TSSK1B: variants seen among roughly 807,000 people sequenced by gnomAD.
The protein encoded by TSSK1B is testis specific serine kinase 1B, also known as testis-specific serine/threonine-protein kinase 1.
A neutral mutation model predicts 4.0 loss-of-function variants in TSSK1B; 2 were observed. The ratio of observed to expected loss-of-function variants is 0.50; its 90% CI spans 0.20 to 1.57. The LOEUF (loss-of-function observed/expected upper bound fraction) is 1.57, where lower values mean the gene tolerates loss of function less well. TSSK1B is among the 40% of genes most tolerant of loss of function. The pLI, the probability that TSSK1B is intolerant of heterozygous loss-of-function variation, is 0.22. For missense variants in TSSK1B, 488 were observed against 495.1 expected (o/e 0.99, Z 0.14); for synonymous variants, 198 against 200.7 (o/e 0.99, Z 0.11).
chr5:113,434,149 G>C lies in TSSK1B; in HGVS notation c.691C>G (p.His231Asp), dbSNP rs1770768182. 1 of 1,614,166 alleles carries C rather than the reference G, an allele frequency of 6.2e-7. No individual in the cohort carries two copies. Among genetic ancestry groups the C allele is most frequent in the Admixed American group, 1.7e-5 (1 of 60,012 alleles). Reference sequence around the variant, plus strand: ...TTGGAGCGTGGGAAGTTGACGCGGTGCTCCTTCTGGATACGCAGCATCTTC... The same window carrying C: ...TTGGAGCGTGGGAAGTTGACGCGGTCCTCCTTCTGGATACGCAGCATCTTC... ...IKKMLRIQKE[H>D]RVNFPRSKHL... Residue 231 changes from histidine (H) to aspartate (D), a missense_variant, in exon 1 of 1, where the codon CAC becomes GAC. Transcript: ENST00000390666. The surrounding 1 kb of genome is among the most constrained non-coding windows in gnomAD (Gnocchi z 4.2).
In TSSK1B at chr5:113,434,354, C is replaced by G; in HGVS notation, c.486G>C (p.Leu162=). The change falls in exon 1 of 1, where the codon CTG becomes CTC. Residue 162 remains leucine (L), a synonymous_variant. Coordinates refer to ENST00000390666, the MANE Select transcript of TSSK1B (RefSeq NM_032028.4). The surrounding 1 kb of genome is among the most constrained non-coding windows in gnomAD (Gnocchi z 4.2). ...LSDFSFSKRC[L]RDDSGRMALS... is the part of the protein sequence containing the mutation. Reference sequence around the variant, plus strand: ...ATGCCATTCGACCACTGTCATCCCGCAGGCAGCGCTTGGAGAAGCTGAAGT... The same window carrying G: ...ATGCCATTCGACCACTGTCATCCCGGAGGCAGCGCTTGGAGAAGCTGAAGT... 6.2e-7 allele frequency: 1 copy of G among 1,613,824 alleles called. No individual in the cohort carries two copies. Among genetic ancestry groups the G allele is most frequent in the Non-Finnish European group, 8.5e-7 (1 of 1,179,868 alleles).
Position 113,433,701 on chromosome 5 carries a change from G to C in TSSK1B, c.*35C>G, listed in dbSNP as rs553417842. 1.3e-6 allele frequency: 2 copies of C among 1,584,552 alleles called. No homozygotes were observed. Among genetic ancestry groups the C allele is most frequent in the East Asian group, 4.5e-5 (2 of 44,648 alleles). On this transcript the variant is annotated 3_prime_UTR_variant, in exon 1 of 1. Coordinates refer to ENST00000390666, the MANE Select transcript of TSSK1B (RefSeq NM_032028.4). ...TTCTTCAGAGCTTGGGCTTTAAGCCGTGAGCTCCATCTCATTCCCTGGGCC... is the reference window on the plus strand; with the variant it reads ...TTCTTCAGAGCTTGGGCTTTAAGCCCTGAGCTCCATCTCATTCCCTGGGCC...
Position 113,433,722 on chromosome 5 carries a change from G to A in TSSK1B, c.*14C>T. On this transcript the variant is annotated 3_prime_UTR_variant, in exon 1 of 1. Coordinates refer to ENST00000390666, the MANE Select transcript of TSSK1B (RefSeq NM_032028.4). ...AGCCGTGAGCTCCATCTCATTCCCTGGGCCGCAAGAAGCTCACTGGGCCCG... is the reference window on the plus strand; with the variant it reads ...AGCCGTGAGCTCCATCTCATTCCCTAGGCCGCAAGAAGCTCACTGGGCCCG... 3 of 1,603,060 alleles carry A rather than the reference G, an allele frequency of 1.9e-6. No homozygotes were observed. Among genetic ancestry groups the A allele is most frequent in the Non-Finnish European group, 2.6e-6 (3 of 1,174,250 alleles).
Position 113,433,734 on chromosome 5 carries a change from GCTCACTGGGCC to G in TSSK1B, c.1095_*1del. The stretch of plus-strand genomic sequence containing the variant: ...CATCTCATTCCCTGGGCCGCAAGAA[GCTCACTGGGCC>G]CGCGTCTCTGGAGGCTGTTGGGGGG... On this transcript the variant is annotated stop_lost and 3_prime_UTR_variant, in exon 1 of 1. Coordinates refer to ENST00000390666, the MANE Select transcript of TSSK1B (RefSeq NM_032028.4). The G allele has an allele frequency of 6.2e-7, 1 of 1,608,758 alleles. No homozygotes were observed. The highest frequency in any genetic ancestry group is 8.5e-7 in the Non-Finnish European group (1 of 1,177,010).
In TSSK1B at chr5:113,434,777, G is replaced by A. The variant is rs1276406384; in HGVS notation, c.63C>T (p.Gly21=). ...AAGCAGATTTTACTTTTGCATAGGA[G>A]CCCTCTCCTAAATTTATCCCCAGGA... ...GYLLGINLGE[G]SYAKVKSAYS... Residue 21 remains glycine, a synonymous_variant, in exon 1 of 1, where the codon GGC becomes GGT. Coordinates refer to ENST00000390666, the MANE Select transcript of TSSK1B (RefSeq NM_032028.4). This position sits in a 1 kb window ranked among gnomAD's most constrained non-coding sequence, Gnocchi z 4.2. The A allele has an allele frequency of 1.9e-6, 3 of 1,613,820 alleles. No homozygotes were observed. The African/African-American group carries it at 4.0e-5, about 22-fold the overall frequency.
chr5:113,434,000 G>A lies in TSSK1B; in HGVS notation c.840C>T (p.Pro280=), dbSNP rs754146035. ...CWMQPKARGS[P]SVAINKEGES... is the part of the protein sequence containing the mutation. ...CCCCCTCCTTGTTGATGGCCACAGA[G>A]GGAGATCCCCGTGCCTTGGGCTGCA... is the stretch of plus-strand genomic sequence containing the variant. The change falls in exon 1 of 1, where the codon CCC becomes CCT. Residue 280 remains proline, a synonymous_variant. Transcript: ENST00000390666. The A allele has an allele frequency of 9.9e-6, 16 of 1,613,894 alleles. No homozygotes were observed. Among genetic ancestry groups the A allele is most frequent in the Non-Finnish European group, 1.3e-5 (15 of 1,179,888 alleles).
Position 113,433,766 on chromosome 5 carries a change from G to C in TSSK1B, c.1074C>G (p.Pro358=), listed in dbSNP as rs780226113. 1.1e-5 allele frequency: 18 copies of C among 1,613,654 alleles called. No homozygotes were observed. In the Middle Eastern group the frequency reaches 4.9e-4, roughly 44 times the overall value. The change falls in exon 1 of 1, where the codon CCC becomes CCG. Residue 358 remains proline, a synonymous_variant. Transcript: ENST00000390666. The part of the protein sequence containing the change: ...PSTMETEEGP[P]QQPPETRAQ ...GGGCCCGCGTCTCTGGAGGCTGTTG[G>C]GGGGGCCCTTCCTCTGTCTCCATAG...
At position 113,434,217 on chromosome 5, in the gene TSSK1B, A is replaced by T; in HGVS notation, c.623T>A (p.Ile208Asn). The T allele has an allele frequency of 6.2e-7, 1 of 1,614,036 alleles. No homozygotes were observed. Among genetic ancestry groups the T allele is most frequent in the Non-Finnish European group, 8.5e-7 (1 of 1,179,954 alleles). The part of the protein sequence containing the change: ...DIWSLGVILY[I>N]MVCGSMPYDD... Reference sequence around the variant, plus strand: ...GTAGGGCATGGAGCCGCAGACCATGATGTAGAGGATCACGCCTAGGCTCCA... The same window carrying T: ...GTAGGGCATGGAGCCGCAGACCATGTTGTAGAGGATCACGCCTAGGCTCCA... The change falls in exon 1 of 1, where the codon ATC becomes AAC. Residue 208 changes from isoleucine (I) to asparagine (N), a missense_variant. Coordinates refer to ENST00000390666, the MANE Select transcript of TSSK1B (RefSeq NM_032028.4). This position sits in a 1 kb window ranked among gnomAD's most constrained non-coding sequence, Gnocchi z 4.2.
At position 113,432,756 on chromosome 5, in the gene TSSK1B, A is replaced by G. The variant is rs1226468186; in HGVS notation, c.*980T>C. ...ATTAGCATTTAAATAAAAAGTTGAT[A>G]AGGAAAAAATAAAAATAAAACATTT... On this transcript the variant is annotated 3_prime_UTR_variant, in exon 1 of 1. Transcript: ENST00000390666. 6.6e-6 allele frequency: 1 copy of G among 152,244 alleles called. No homozygotes were observed. The highest frequency in any genetic ancestry group is 1.9e-4 in the East Asian group (1 of 5,204). The allele number at this position is 152,244 out of a possible 1,614,324, so 9.4% of individuals were successfully genotyped here.
In TSSK1B at chr5:113,434,797, C is replaced by T. The variant is rs1248022789; in HGVS notation, c.43G>A (p.Gly15Arg). 3 of 1,613,126 alleles carry T rather than the reference C, an allele frequency of 1.9e-6. No homozygotes were observed. Among genetic ancestry groups the T allele is most frequent in the Non-Finnish European group, 2.5e-6 (3 of 1,179,166 alleles). Residue 15 changes from glycine to arginine, a missense_variant, in exon 1 of 1, where the codon GGG becomes AGG. By Grantham distance (125) the Gly-to-Arg change is moderately radical. Transcript: ENST00000390666. This position sits in a 1 kb window ranked among gnomAD's most constrained non-coding sequence, Gnocchi z 4.2. Reference sequence around the variant, plus strand: ...TAGGAGCCCTCTCCTAAATTTATCCCCAGGAGGTAGCCTCGTCGCTTGAGG... The same window carrying T: ...TAGGAGCCCTCTCCTAAATTTATCCTCAGGAGGTAGCCTCGTCGCTTGAGG... The part of the protein sequence containing the change: ...AVLKRRGYLL[G>R]INLGEGSYAK...
At position 113,434,195 on chromosome 5, in the gene TSSK1B, G is replaced by A. The variant is rs1352502123; in HGVS notation, c.645C>T (p.Pro215=). 2 of 1,614,018 alleles carry A rather than the reference G, an allele frequency of 1.2e-6. No homozygotes were observed. Among genetic ancestry groups the A allele is most frequent in the Non-Finnish European group, 1.7e-6 (2 of 1,180,000 alleles). The change falls in exon 1 of 1, where the codon CCC becomes CCT. Residue 215 remains proline, a synonymous_variant. Transcript: ENST00000390666. The surrounding 1 kb of genome is among the most constrained non-coding windows in gnomAD (Gnocchi z 4.2). ...TCTTCTTGATGTTGGAGTCGTCGTA[G>A]GGCATGGAGCCGCAGACCATGATGT... ...ILYIMVCGSM[P]YDDSNIKKML...
chr5:113,433,796 C>CG lies in TSSK1B; in HGVS notation c.1043dup (p.Ser349ValfsTer28). 6.2e-7 allele frequency: 1 copy of CG among 1,613,922 alleles called. No individual in the cohort carries two copies. Among genetic ancestry groups the CG allele is most frequent in the Non-Finnish European group, 8.5e-7 (1 of 1,179,870 alleles). On this transcript the variant is annotated frameshift_variant, in exon 1 of 1. Transcript: ENST00000390666. LOFTEE classifies it low-confidence loss of function (END_TRUNC). ...GCCCTTCCTCTGTCTCCATAGTCGA[C>CG]GGCTTGCTGGGGAAACCCAGGATCT...
Position 113,434,411 on chromosome 5 carries a change from G to A in TSSK1B, c.429C>T (p.Leu143=). Residue 143 remains leucine, a synonymous_variant, in exon 1 of 1, where the codon CTC becomes CTT. Coordinates refer to ENST00000390666, the MANE Select transcript of TSSK1B (RefSeq NM_032028.4). The surrounding 1 kb of genome is among the most constrained non-coding windows in gnomAD (Gnocchi z 4.2). ...GCTTGATGTTGAAGTCCTTGTCAAGGAGAAGGTTGTCACACTTGAGGTCCC... is the reference window on the plus strand; with the variant it reads ...GCTTGATGTTGAAGTCCTTGTCAAGAAGAAGGTTGTCACACTTGAGGTCCC... The part of the protein sequence containing the change: ...VHRDLKCDNL[L]LDKDFNIKLS... The A allele has an allele frequency of 6.2e-7, 1 of 1,614,004 alleles. No homozygotes were observed. The highest frequency in any genetic ancestry group is 1.1e-5 in the South Asian group (1 of 91,068).
Position 113,433,506 on chromosome 5 carries a change from G to C in TSSK1B, c.*230C>G, listed in dbSNP as rs759259350. ...AGCACCTGCTCCGGGTCACGCTCTG[G>C]GGGAGTAGGAGTCGCACGACTGTCT... is the stretch of plus-strand genomic sequence containing the variant. On this transcript the variant is annotated 3_prime_UTR_variant, in exon 1 of 1. Coordinates refer to ENST00000390666, the MANE Select transcript of TSSK1B (RefSeq NM_032028.4). The C allele has an allele frequency of 1.9e-5, 12 of 622,476 alleles. No individual in the cohort carries two copies. The highest frequency in any genetic ancestry group is 3.8e-4 in the Middle Eastern group (1 of 2,638). 38.6% of individuals were successfully genotyped at this position (622,476 alleles called of 1,614,324 possible).
chr5:113,433,931 G>C lies in TSSK1B; in HGVS notation c.909C>G (p.Gly303=). The C allele has an allele frequency of 6.2e-7, 1 of 1,614,030 alleles. No homozygotes were observed. The highest frequency in any genetic ancestry group is 8.5e-7 in the Non-Finnish European group (1 of 1,179,890). ...GTEPLWTPEP[G]SDKKSATKLE... ...GCTTGGTGGCAGACTTCTTGTCAGA[G>C]CCAGGTTCGGGGGTCCACAAGGGTT... The change falls in exon 1 of 1, where the codon GGC becomes GGG. Residue 303 remains glycine, a synonymous_variant. Coordinates refer to ENST00000390666, the MANE Select transcript of TSSK1B (RefSeq NM_032028.4).
At position 113,433,574 on chromosome 5, in the gene TSSK1B, G is replaced by T. The variant is rs539613122; in HGVS notation, c.*162C>A. The T allele has an allele frequency of 4.3e-6, 4 of 927,356 alleles. No homozygotes were observed. Among genetic ancestry groups the T allele is most frequent in the African/African-American group, 1.7e-5 (1 of 59,782 alleles). 57.4% of individuals were successfully genotyped at this position (927,356 alleles called of 1,614,324 possible). On this transcript the variant is annotated 3_prime_UTR_variant, in exon 1 of 1. Transcript: ENST00000390666. ...TTGGCCTCATCCACCTAGGGGCCAC[G>T]GGAGAACCATGTGGGTTACCAAGTT...
At position 113,434,730 on chromosome 5, in the gene TSSK1B, T is replaced by C. The variant is rs1481376872; in HGVS notation, c.110A>G (p.Asn37Ser). The change falls in exon 1 of 1, where the codon AAT (asparagine) becomes AGT (serine). Residue 37 changes from asparagine (N) to serine (S), a missense_variant. By Grantham distance (46) the Asn-to-Ser change is conservative. Transcript: ENST00000390666. This position sits in a 1 kb window ranked among gnomAD's most constrained non-coding sequence, Gnocchi z 4.2. ...GCGGTCGATGATCTTGATCGCCACA[T>C]TGAACTTCAGGCGCTCAGAGTAAGC... Reference protein sequence around the residue: ...KSAYSERLKFNVAIKIIDRKK... With the variant: ...KSAYSERLKFSVAIKIIDRKK... The C allele has an allele frequency of 1.9e-6, 3 of 1,614,092 alleles. No individual in the cohort carries two copies. Among genetic ancestry groups the C allele is most frequent in the African/African-American group, 1.3e-5 (1 of 75,048 alleles).
Position 113,434,381 on chromosome 5 carries a change from G to C in TSSK1B, c.459C>G (p.Ser153=). ...LLDKDFNIKL[S]DFSFSKRCLR... is the part of the protein sequence containing the mutation. ...GGCAGCGCTTGGAGAAGCTGAAGTCGGACAGCTTGATGTTGAAGTCCTTGT... is the reference window on the plus strand; with the variant it reads ...GGCAGCGCTTGGAGAAGCTGAAGTCCGACAGCTTGATGTTGAAGTCCTTGT... Residue 153 remains serine, a synonymous_variant, in exon 1 of 1, where the codon TCC becomes TCG. Transcript: ENST00000390666. The surrounding 1 kb of genome is among the most constrained non-coding windows in gnomAD (Gnocchi z 4.2). 6.2e-7 allele frequency: 1 copy of C among 1,613,846 alleles called. No homozygotes were observed. Among genetic ancestry groups the C allele is most frequent in the East Asian group, 2.2e-5 (1 of 44,840 alleles).
In TSSK1B at chr5:113,434,418, T is replaced by C. The variant is rs573427120; in HGVS notation, c.422A>G (p.Asn141Ser). ...DVVHRDLKCD[N>S]LLLDKDFNIK... is the part of the protein sequence containing the mutation. ...GTTGAAGTCCTTGTCAAGGAGAAGG[T>C]TGTCACACTTGAGGTCCCGGTGGAC... The change falls in exon 1 of 1, where the codon AAC becomes AGC. Residue 141 changes from asparagine (N) to serine (S), a missense_variant. Transcript: ENST00000390666. The surrounding 1 kb of genome is among the most constrained non-coding windows in gnomAD (Gnocchi z 4.2). 12 of 1,613,830 alleles carry C rather than the reference T, an allele frequency of 7.4e-6. No homozygotes were observed. In the East Asian group the frequency reaches 1.1e-4, roughly 15 times the overall value.
Sources: allele counts gnomAD v4.1 joint callset, GRCh38; gene constraint gnomAD v4.1.1; non-coding constraint Gnocchi (gnomAD v3.1); transcripts MANE v1.5; gene names NCBI Gene and HGNC (gene_info 2026-07-23, HGNC 2026-07-21).